Variants in XPO7 observed in about 807,000 individuals in gnomAD.
The protein encoded by XPO7 is exportin 7.
A neutral mutation model predicts 144.3 loss-of-function variants in XPO7; 21 were observed. That is an observed-to-expected ratio of 0.15 (90% confidence interval 0.10 to 0.21). The LOEUF (loss-of-function observed/expected upper bound fraction) is 0.21, where lower values mean the gene tolerates loss of function less well. Among genes scored for constraint, XPO7 ranks in the 10% least tolerant of loss-of-function variants. The pLI is 1.00. For synonymous variants in XPO7, 580 were observed against 499.6 expected (o/e 1.16, Z -2.15); for missense variants, 808 against 1,325.8 (o/e 0.61, Z 6.06).
At chr8:21,977,682 T>C (rs1812271297) in intron 7 of XPO7, 88 bp from the exon 8 acceptor site, 1 of 1,204,368 alleles carries the variant, frequency 8.3e-7, no homozygotes, top group African/African-American at 1.5e-5. Flanking sequence ...GGCAGAAGGA[T>C]GTGCTCCCTG....
At chr8:21,947,538 AACATAGAC>A (rs1811232051) in intron 1 of XPO7, among the ~76,000 whole-genome samples, 1 of 152,208 alleles carries the variant, frequency 6.6e-6, no homozygotes, top group Non-Finnish European at 1.5e-5. Flanking sequence ...CTACCCCTGC[AACATAGAC>A]ACACATCATA....
chr8:22,001,794 C>T (rs1213352003), intron 24 of XPO7, among the ~76,000 whole-genome samples: 5 of 152,204 alleles, frequency 3.3e-5, no homozygotes, highest in Non-Finnish European at 7.3e-5. Context: ...CTATAAAGTA[C>T]TTAGCACAAC....
rs1483440858 is a variant in XPO7 at position 21,995,065 on chromosome 8, AATAAT to A, written c.2238-425_2238-421del. On this transcript the variant is annotated intron_variant, in intron 20 of 27. Transcript: ENST00000252512. ...CGAGACTCCATCTCAAAAAAAAATA[AATAAT>A]AATAATAATAATAATAAACAGCTTT... 2.4e-3 allele frequency among the ~76,000 whole-genome samples: 233 copies of A among 96,860 alleles called. 2 individuals carry two copies. Among genetic ancestry groups the A allele is most frequent in the African/African-American group, 0.016 (217 of 13,788 alleles). The allele number at this position is 96,860 out of a possible 152,430, so 63.5% of individuals were successfully genotyped here.
At chr8:21,939,912 T>G (rs931837627) in intron 1 of XPO7, among the ~76,000 whole-genome samples, 1 of 152,250 alleles carries the variant, frequency 6.6e-6, no homozygotes, top group Non-Finnish European at 1.5e-5. Flanking sequence ...TCTTTGCATA[T>G]GTGTTAAGAA....
chr8:21,974,921 C>T (rs1015471663), intron 6 of XPO7, 147 bp downstream of exon 6: 4 of 652,388 alleles, frequency 6.1e-6, no homozygotes, highest in African/African-American at 3.8e-5. Context: ...CTCATAGAGG[C>T]GTTGAAGAAA....
chr8:21,966,883 C>T lies in XPO7; in HGVS notation c.45C>T (p.Cys15=). ...GCCTGGCCCAACTAGAGAATCTGTG[C>T]AAACAGCTGTATGAAACCACAGACA... ...VQSLAQLENL[C]KQLYETTDTT... is the part of the protein sequence containing the mutation. The change falls in exon 2 of 28, where the codon TGC becomes TGT. Residue 15 remains cysteine, a synonymous_variant. Transcript: ENST00000252512. 6.2e-7 allele frequency: 1 copy of T among 1,613,722 alleles called. No individual in the cohort carries two copies. The highest frequency in any genetic ancestry group is 8.5e-7 in the Non-Finnish European group (1 of 1,179,752).
At chr8:21,930,692 T>C (rs1810615605) in intron 1 of XPO7, among the ~76,000 whole-genome samples, 1 of 152,200 alleles carries the variant, frequency 6.6e-6, no homozygotes, top group South Asian at 2.1e-4. Context: ...AGCATAATAA[T>C]TGTACCGTAG....
intron 24 of XPO7, among the ~76,000 whole-genome samples, chr8:22,001,068 A>C (rs2117406026): frequency 6.6e-6 from 1 of 152,186 alleles, no homozygotes; most frequent in Non-Finnish European, 1.5e-5. Context: ...TCATCCCAGC[A>C]CTTTGGGAGG....
In XPO7 at chr8:21,990,241, A is replaced by G; in HGVS notation, c.1869-103A>G. ...GGTATACTCAAGTATTTTTTAAAAA[A>G]TAAGATATTTGGGTGAACTGTCCTT... On this transcript the variant is annotated intron_variant, in intron 16 of 27. Transcript: ENST00000252512. 2.5e-6 allele frequency: 3 copies of G among 1,181,596 alleles called. No individual in the cohort carries two copies. The South Asian group carries it at 3.9e-5, about 15-fold the overall frequency. 73.2% of individuals were successfully genotyped at this position (1,181,596 alleles called of 1,614,324 possible).
intron 5 of XPO7, among the ~76,000 whole-genome samples, chr8:21,974,231 T>TGG (rs78485226): frequency 3.3e-5 from 5 of 151,696 alleles, no homozygotes; most frequent in East Asian, 1.9e-4. Context: ...TTAGAGGTGG[T>TGG]GGGGGGTCTC....
Position 22,005,539 on chromosome 8 carries a change from T to C in XPO7, c.*451T>C, listed in dbSNP as rs938972395. 3 of 153,014 alleles carry C rather than the reference T, an allele frequency of 2.0e-5. No homozygotes were observed. Among genetic ancestry groups the C allele is most frequent in the African/African-American group, 7.2e-5 (3 of 41,470 alleles). The allele number at this position is 153,014 out of a possible 1,614,324, so 9.5% of individuals were successfully genotyped here. ...CAATGCTGATGTGAGGGGTTGTGTA[T>C]GCGAGTGAAGAAAATGTGTATTCTG... On this transcript the variant is annotated 3_prime_UTR_variant, in exon 28 of 28. Transcript: ENST00000252512.
intron 11 of XPO7, among the ~76,000 whole-genome samples, chr8:21,984,253 C>T (rs1812503225): frequency 6.6e-6 from 1 of 152,136 alleles, no homozygotes; most frequent in Admixed American, 6.5e-5. Flanking sequence ...AATTCCAAGA[C>T]ACACCTGGCC....
intron 14 of XPO7, among the ~76,000 whole-genome samples, 168 bp from the exon 15 acceptor site, chr8:21,987,616 G>C (rs1035062911): frequency 1.3e-5 from 2 of 152,178 alleles, no homozygotes; most frequent in African/African-American, 4.8e-5. Flanking sequence ...AGATTGCTCA[G>C]CATCTGTCCA....
chr8:21,941,733 C>CATTT (rs1210435273), intron 1 of XPO7, among the ~76,000 whole-genome samples: 55 of 152,230 alleles, frequency 3.6e-4, no homozygotes, highest in African/African-American at 1.3e-3. Flanking sequence ...AAGGTATTTT[C>CATTT]GTTTGTTTGT....
At position 21,950,396 on chromosome 8, in the gene XPO7, G is replaced by A. The variant is rs1032508536; in HGVS notation, c.19-16461G>A. Among the ~76,000 whole-genome samples, 7 of 152,134 alleles carry A rather than the reference G, an allele frequency of 4.6e-5. No homozygotes were observed. The East Asian group carries it at 1.3e-3, about 29-fold the overall frequency. ...ACTATTTCATATTCCTAAACTATAG[G>A]AGCTAATTTTTGTTCTTCTAAAGAG... On this transcript the variant is annotated intron_variant, in intron 1 of 27. Transcript: ENST00000252512.
Position 21,989,821 on chromosome 8 carries a change from CTTTTTTTTTTTTTT to C in XPO7, c.1869-490_1869-477del, listed in dbSNP as rs1170364778. ...AATAGGAGTTTGGTATAGGTGTTTC[CTTTTTTTTTTTTTT>C]TTTTTTTTTTTTTTTTTTTTTTTTT... On this transcript the variant is annotated intron_variant, in intron 16 of 27. Coordinates refer to ENST00000252512, the MANE Select transcript of XPO7 (RefSeq NM_015024.5). Among the ~76,000 whole-genome samples, 34 of 59,682 alleles carry C rather than the reference CTTTTTTTTTTTTTT, an allele frequency of 5.7e-4. 4 individuals carry two copies. Among genetic ancestry groups the C allele is most frequent in the African/African-American group, 7.2e-4 (15 of 20,698 alleles). 39.2% of individuals were successfully genotyped at this position (59,682 alleles called of 152,430 possible). A position where few individuals can be genotyped will look rare whatever the true frequency, so the allele number is the denominator to read the frequency against.
At chr8:21,936,228 C>T (rs1298728650) in intron 1 of XPO7, among the ~76,000 whole-genome samples, 1 of 152,134 alleles carries the variant, frequency 6.6e-6, no homozygotes, top group African/African-American at 2.4e-5. Flanking sequence ...TCAGCACCCT[C>T]AAGTCATTCC....
At chr8:21,951,596 C>T (rs1811376332) in intron 1 of XPO7, among the ~76,000 whole-genome samples, 1 of 152,070 alleles carries the variant, frequency 6.6e-6, no homozygotes, top group Admixed American at 6.6e-5. Flanking sequence ...CCAGTTAAAG[C>T]CCTTTTCTGA....
At chr8:21,945,614 G>A (rs1200506916) in intron 1 of XPO7, among the ~76,000 whole-genome samples, 8 of 152,310 alleles carry the variant, frequency 5.3e-5, no homozygotes, top group African/African-American at 1.9e-4. Context: ...AAAATGCTTA[G>A]TAAATAAAAT....
Sources: gnomAD v4.1 joint callset for allele counts (sites outside exome capture counted in the v4.1 genomes callset) on GRCh38, gnomAD v4.1.1 for gene constraint, MANE v1.5 for transcripts, NCBI Gene and HGNC (gene_info 2026-07-23, HGNC 2026-07-21) for gene names.